N4BP2: variants seen among roughly 807,000 people sequenced by gnomAD.
N4BP2 encodes the protein NEDD4 binding protein 2.
A neutral mutation model predicts 152.8 loss-of-function variants in N4BP2; 91 were observed. That is an observed-to-expected ratio of 0.60 (90% CI 0.50 to 0.71). The LOEUF (loss-of-function observed/expected upper bound fraction) is 0.71. N4BP2 is among the 30% of genes least tolerant of loss of function. The probability of loss-of-function intolerance (pLI) is 0.00; values close to 1 mark genes in which losing one functional copy is unlikely to be tolerated. For missense variants in N4BP2, 1,923 were observed against 2,059.1 expected, an observed-to-expected ratio of 0.93 and a Z score of 1.28; for synonymous variants, 646 against 705.3, an observed-to-expected ratio of 0.92 and a Z score of 1.33.
chr4:40,132,421 AT>A (rs1258295888), intron 13 of N4BP2, among the ~76,000 whole-genome samples: 3 of 152,108 alleles, frequency 2.0e-5, no homozygotes, highest in African/African-American at 7.2e-5. Flanking sequence ...TGTATGTGGT[AT>A]GAGGTAGAGA....
chr4:40,061,097 G>C (rs1164114595), intron 1 of N4BP2, among the ~76,000 whole-genome samples: 1 of 151,954 alleles, frequency 6.6e-6, no homozygotes, highest in Non-Finnish European at 1.5e-5. Flanking sequence ...TTACAGGTGT[G>C]AGCCACCACC....
chr4:40,187,145 C>G, the N4BP2 span, among the ~76,000 whole-genome samples: 1 of 152,190 alleles, frequency 6.6e-6, no homozygotes, highest in Admixed American at 6.5e-5. Context: ...TCTGGCCTCC[C>G]AAAGCTTTAG....
the N4BP2 span, among the ~76,000 whole-genome samples, chr4:40,165,096 T>A: frequency 6.6e-6 from 1 of 152,218 alleles, no homozygotes; most frequent in Non-Finnish European, 1.5e-5. Flanking sequence ...CTTATTAATT[T>A]TGTTACCTTC....
At chr4:40,140,678 G>A (rs941513065) in intron 14 of N4BP2, among the ~76,000 whole-genome samples, 1 of 151,622 alleles carries the variant, frequency 6.6e-6, no homozygotes, top group Admixed American at 6.6e-5. Flanking sequence ...TGGAGGGAAG[G>A]TCAGCAGATA....
rs139286597 is a variant in N4BP2, at chr4:40,098,362, T to A, written c.229+793T>A. On this transcript the variant is annotated intron_variant, in intron 3 of 17. Coordinates refer to ENST00000261435, the MANE Select transcript of N4BP2 (RefSeq NM_018177.6). ...GTATGTGCTTCATAGGACTTTTTTT[T>A]GGTGAGGATTGAGTTTTAGTTTTTT... 4.6e-3 allele frequency among the ~76,000 whole-genome samples: 702 copies of A among 152,302 alleles called. 12 individuals are homozygous for A. Among genetic ancestry groups the A allele is most frequent in the East Asian group, 0.036 (186 of 5,184 alleles).
chr4:40,126,197 GC>G lies in N4BP2; in HGVS notation c.4395del (p.Lys1467AsnfsTer3). On this transcript the variant is annotated frameshift_variant, in exon 12 of 18. Coordinates refer to ENST00000261435, the MANE Select transcript of N4BP2 (RefSeq NM_018177.6). LOFTEE classifies it high-confidence loss of function. ...NPEQKSSQRT[G>X]KKLLKTLTAS... ...GAACAAAAATCATCTCAGAGAACAG[GC>G]AAAAAATTACTGAAGACTTTAACAG... 6.2e-7 allele frequency: 1 copy of G among 1,608,872 alleles called. No individual in the cohort carries two copies. Among genetic ancestry groups the G allele is most frequent in the Non-Finnish European group, 8.5e-7 (1 of 1,178,304 alleles).
rs1353014099 is a variant in N4BP2, at chr4:40,120,650, AG to A, written c.2540del (p.Ser847MetfsTer2). 1.2e-6 allele frequency: 2 copies of A among 1,614,102 alleles called. No individual in the cohort carries two copies. Among genetic ancestry groups the A allele is most frequent in the South Asian group, 2.2e-5 (2 of 91,082 alleles). ...CVQQRGSPHESVEDGRKSQCD... is the reference protein window; with the variant it reads ...CVQQRGSPHEXVEDGRKSQCD... Reference sequence around the variant, plus strand: ...CCAGCAACGAGGATCTCCACATGAAAGTGTAGAGGATGGCAGAAAGTCACAG... The same window carrying A: ...CCAGCAACGAGGATCTCCACATGAAATGTAGAGGATGGCAGAAAGTCACAG... On this transcript the variant is annotated frameshift_variant, in exon 9 of 18. Transcript: ENST00000261435. LOFTEE classifies it high-confidence loss of function.
intron 5 of N4BP2, among the ~76,000 whole-genome samples, chr4:40,108,505 G>A (rs924591510): frequency 1.8e-4 from 27 of 151,842 alleles, no homozygotes; most frequent in Admixed American, 1.2e-3. Flanking sequence ...TAGTAGAGAC[G>A]GGATTTCACC....
At chr4:40,058,548 A>C (rs73229742) in intron 1 of N4BP2, among the ~76,000 whole-genome samples, 15,040 of 152,232 alleles carry the variant, frequency 0.099, 1,200 homozygotes, top group East Asian at 0.35. Context: ...AAAACAATAA[A>C]GAATAAAGCA....
At chr4:40,142,635 C>T (rs1560639093) in intron 14 of N4BP2, 38 bp from the exon 15 acceptor site, 16 of 1,442,734 alleles carry the variant, frequency 1.1e-5, no homozygotes, top group African/African-American at 4.3e-5. Flanking sequence ...TTTTTTTTAA[C>T]TTTCTGTGTG....
At chr4:40,145,918 T>C (rs1720470686) in intron 16 of N4BP2, among the ~76,000 whole-genome samples, 3 of 152,028 alleles carry the variant, frequency 2.0e-5, no homozygotes, top group Admixed American at 2.0e-4. Context: ...ATCCCAGCAC[T>C]TCGGAGGCCG....
chr4:40,087,646 G>T (rs567082663), intron 2 of N4BP2, among the ~76,000 whole-genome samples: 1 of 152,132 alleles, frequency 6.6e-6, no homozygotes, highest in East Asian at 1.9e-4. Flanking sequence ...TTACAGGCAC[G>T]AGCCACCTTC....
Position 40,120,812 on chromosome 4 carries a change from C to G in N4BP2, c.2701C>G (p.Pro901Ala), listed in dbSNP as rs1717826271. The change falls in exon 9 of 18, where the codon CCA (proline) becomes GCA (alanine). Residue 901 changes from proline (P) to alanine (A), a missense_variant. Physicochemically the swap from Pro to Ala is conservative, Grantham distance 27. Transcript: ENST00000261435. ...TCAGAGGGAACACAGATCAAGAATG[C>G]CAAAGACTGGTTTAAGTGAGCCCAA... Reference protein sequence around the residue: ...LAQREHRSRMPKTGLSEPNLE... With the variant: ...LAQREHRSRMAKTGLSEPNLE... The G allele has an allele frequency of 6.2e-7, 1 of 1,614,000 alleles. No homozygotes were observed. Among genetic ancestry groups the G allele is most frequent in the Admixed American group, 1.7e-5 (1 of 59,994 alleles).
chr4:40,090,932 CA>C (rs869229637), intron 2 of N4BP2, among the ~76,000 whole-genome samples: 43 of 14,580 alleles, frequency 2.9e-3, no homozygotes, highest in Admixed American at 5.3e-3. Context: ...GACTCAGTCT[CA>C]AAAAAAAAAA....
intron 12 of N4BP2, among the ~76,000 whole-genome samples, chr4:40,127,090 C>T (rs1465936704): frequency 1.3e-5 from 2 of 151,802 alleles, no homozygotes; most frequent in Non-Finnish European, 2.9e-5. Flanking sequence ...ACAGTTTTGC[C>T]ATGTTGCCCA....
intron 16 of N4BP2, among the ~76,000 whole-genome samples, chr4:40,148,803 C>T (rs1720866006): frequency 1.3e-5 from 2 of 152,104 alleles, no homozygotes; most frequent in African/African-American, 4.8e-5. Context: ...GCCACTGTGC[C>T]TGGTCCCCTT....
the N4BP2 span, among the ~76,000 whole-genome samples, chr4:40,187,947 A>C: frequency 6.6e-6 from 1 of 152,252 alleles, no homozygotes; most frequent in East Asian, 1.9e-4. Flanking sequence ...TCTTAGGAAT[A>C]AAAAGACAAA....
At chr4:40,181,156 G>A in the N4BP2 span, among the ~76,000 whole-genome samples, 30 of 151,780 alleles carry the variant, frequency 2.0e-4, no homozygotes, top group Non-Finnish European at 3.8e-4. Flanking sequence ...TCTCAAAAAA[G>A]AAAAAAATAT....
intron 1 of N4BP2, among the ~76,000 whole-genome samples, chr4:40,064,845 C>T (rs4974958): frequency 0.35 from 52,394 of 151,510 alleles, 9,411 homozygotes; most frequent in South Asian, 0.51. Context: ...TCTCGGCTCA[C>T]TGCAACCTCC....
Sources: allele counts gnomAD v4.1 joint callset (sites outside exome capture counted in the v4.1 genomes callset), GRCh38; gene constraint gnomAD v4.1.1; transcripts MANE v1.5; gene names NCBI Gene and HGNC (gene_info 2026-07-23, HGNC 2026-07-21).